Variants in IQGAP3 observed in about 807,000 individuals in gnomAD.
The protein encoded by IQGAP3 is ras GTPase-activating-like protein IQGAP3.
A neutral mutation model predicts 208.2 loss-of-function variants in IQGAP3; 165 were observed. The ratio of observed to expected loss-of-function variants is 0.79; its 90% CI spans 0.70 to 0.90. The LOEUF is 0.90. Among genes scored for constraint, IQGAP3 ranks in the 40% least tolerant of loss-of-function variants. The pLI, the probability that IQGAP3 is intolerant of heterozygous loss-of-function variation, is 0.00. For synonymous variants in IQGAP3, 703 were observed against 803.6 expected, an observed-to-expected ratio of 0.87 and a Z score of 2.12; for missense variants, 1,811 against 2,043.1, an observed-to-expected ratio of 0.89 and a Z score of 2.19.
At chr1:156,566,208 G>A in intron 3 of IQGAP3, 104 bp from the exon 4 acceptor site, 1 of 1,243,138 alleles carries the variant, frequency 8.0e-7, no homozygotes, top group Non-Finnish European at 1.2e-6. Context: ...GGGCAGAGGG[G>A]AACCAGAGGA....
rs763282771 is a variant in IQGAP3 at position 156,552,006 on chromosome 1, T to C, written c.1538A>G (p.Gln513Arg). The change falls in exon 14 of 38, where the codon CAG becomes CGG. Residue 513 changes from glutamine (Q) to arginine (R), a missense_variant. Coordinates refer to ENST00000361170, the MANE Select transcript of IQGAP3 (RefSeq NM_178229.5). ...SWNDLQATVS[Q>R]VNAQTQEETD... ...CTCTTCCTGGGTCTGTGCATTGACC[T>C]GGCTCACGGTGGCCTGCAGGTCATT... The C allele has an allele frequency of 1.9e-6, 3 of 1,614,016 alleles. No homozygotes were observed. Among genetic ancestry groups the C allele is most frequent in the Non-Finnish European group, 2.5e-6 (3 of 1,180,012 alleles).
At chr1:156,537,135 C>T in intron 27 of IQGAP3, 46 bp downstream of exon 27, 1 of 1,588,998 alleles carries the variant, frequency 6.3e-7, no homozygotes. Flanking sequence ...TGGCCTGGCC[C>T]TCTTGAAATC....
intron 22 of IQGAP3, among the ~76,000 whole-genome samples, chr1:156,541,536 T>A (rs547125756): frequency 6.6e-6 from 1 of 152,148 alleles, no homozygotes; most frequent in African/African-American, 2.4e-5. Context: ...ACAAAACAAC[T>A]AATACATAGA....
chr1:156,555,921 T>G (rs2102419441), intron 12 of IQGAP3, among the ~76,000 whole-genome samples: 1 of 152,362 alleles, frequency 6.6e-6, no homozygotes. Flanking sequence ...TGTATCCAAG[T>G]CATGCTGGGA....
rs2102379854 is a variant in IQGAP3, at chr1:156,539,373, C to T, written c.3056+1G>A. The T allele has an allele frequency of 6.2e-6, 10 of 1,613,568 alleles. No individual in the cohort carries two copies. The highest frequency in any genetic ancestry group is 8.5e-6 in the Non-Finnish European group (10 of 1,179,864). On this transcript the variant is annotated splice_donor_variant, in intron 25 of 37. Coordinates refer to ENST00000361170, the MANE Select transcript of IQGAP3 (RefSeq NM_178229.5). LOFTEE classifies it high-confidence loss of function. ...CATTCCTTTGTGTCTGGAGAGCCTA[C>T]TTGATTTCCTCCTGGAGTGCTGTCT...
intron 22 of IQGAP3, among the ~76,000 whole-genome samples, chr1:156,542,789 AAGTT>A (rs1021502027): frequency 6.6e-6 from 1 of 151,922 alleles, no homozygotes; most frequent in Non-Finnish European, 1.5e-5. Context: ...AAAAATCAAA[AAGTT>A]AGCCAGTTGT....
chr1:156,536,589 T>C (rs975263081), intron 27 of IQGAP3, among the ~76,000 whole-genome samples: 1 of 152,184 alleles, frequency 6.6e-6, no homozygotes, highest in African/African-American at 2.4e-5. Flanking sequence ...TAGTTGATAA[T>C]AATGTGTTGT....
At chr1:156,541,335 G>C (rs1674965387) in intron 22 of IQGAP3, among the ~76,000 whole-genome samples, 1 of 151,860 alleles carries the variant, frequency 6.6e-6, no homozygotes, top group Admixed American at 6.6e-5. Flanking sequence ...ACTCAGCCCT[G>C]CTTGCTCCCA....
At chr1:156,547,971 G>A in intron 19 of IQGAP3, 102 bp downstream of exon 19, 1 of 1,074,790 alleles carries the variant, frequency 9.3e-7, no homozygotes, top group East Asian at 2.6e-5. Context: ...CTATTCAGAG[G>A]CCGAAAGGTC....
chr1:156,563,181 T>C lies in IQGAP3; in HGVS notation c.751A>G (p.Met251Val). The change falls in exon 8 of 38, where the codon ATG becomes GTG. Residue 251 changes from methionine to valine, a missense_variant. Met to Val is a conservative substitution (Grantham distance 21, BLOSUM62 1). Transcript: ENST00000361170. ...TTCTCCATCTTGGCCTGGGCCAGCA[T>C]CTCTTGGTAGACGGCTGCCAGAGGC... ...REPLAAVYQE[M>V]LAQAKMEKAA... 1 of 1,612,148 alleles carries C rather than the reference T, an allele frequency of 6.2e-7. No individual in the cohort carries two copies. The highest frequency in any genetic ancestry group is 8.5e-7 in the Non-Finnish European group (1 of 1,178,448).
chr1:156,552,583 T>C (rs913577550), intron 13 of IQGAP3, among the ~76,000 whole-genome samples: 3 of 152,236 alleles, frequency 2.0e-5, no homozygotes, highest in Admixed American at 6.5e-5. Flanking sequence ...ATATCTATTA[T>C]ATGACCAAAT....
In IQGAP3 at chr1:156,530,234, C is replaced by T; in HGVS notation, c.4275G>A (p.Leu1425=). 6.2e-7 allele frequency: 1 copy of T among 1,613,080 alleles called. No homozygotes were observed. The highest frequency in any genetic ancestry group is 1.3e-5 in the African/African-American group (1 of 75,046). The change falls in exon 34 of 38, where the codon CTG becomes CTA. Residue 1425 remains leucine, a synonymous_variant. Transcript: ENST00000361170. ...TPEPLRRHRS[L]TAHSLLPLAE... The stretch of plus-strand genomic sequence containing the variant: ...CCAGTGGCAGGAGGGAGTGAGCTGT[C>T]AGTGAGCGGTGTCGTCGCAGTGGCT...
intron 22 of IQGAP3, among the ~76,000 whole-genome samples, chr1:156,541,635 C>T (rs982611916): frequency 3.3e-5 from 5 of 152,142 alleles, no homozygotes; most frequent in Non-Finnish European, 7.4e-5. Flanking sequence ...TCCTCTCTTA[C>T]CGATAATAAC....
intron 5 of IQGAP3, 82 bp from the exon 6 acceptor site, chr1:156,563,906 C>T (rs916370346): frequency 1.3e-5 from 15 of 1,113,014 alleles, no homozygotes; most frequent in Non-Finnish European, 2.6e-6. Flanking sequence ...GAAGGGGATA[C>T]TATGGGGACC....
chr1:156,544,481 CA>C lies in IQGAP3; in HGVS notation c.2305-10del. On this transcript the variant is annotated splice_polypyrimidine_tract_variant and intron_variant, in intron 19 of 37. Coordinates refer to ENST00000361170, the MANE Select transcript of IQGAP3 (RefSeq NM_178229.5). ...TAACCCCGCCAATGAGCCTGCACAT[CA>C]GGAGAGAAAGGGAAGTAACTCAAGC... 1 of 1,612,320 alleles carries C rather than the reference CA, an allele frequency of 6.2e-7. No individual in the cohort carries two copies. Among genetic ancestry groups the C allele is most frequent in the Non-Finnish European group, 8.5e-7 (1 of 1,178,364 alleles).
Position 156,548,393 on chromosome 1 carries a change from A to G in IQGAP3, c.2088T>C (p.Pro696=), listed in dbSNP as rs762079371. The stretch of plus-strand genomic sequence containing the variant: ...GGTGAGAGGTGTTGAGGGGGCAGCC[A>G]GGAGGTTGCTCCCAGATCCCCTGGA... The part of the protein sequence containing the change: ...QTFQGIWEQP[P]GCPLNTSHLT... Residue 696 remains proline (P), a synonymous_variant, in exon 18 of 38, where the codon CCT becomes CCC. Coordinates refer to ENST00000361170, the MANE Select transcript of IQGAP3 (RefSeq NM_178229.5). 1 of 1,613,946 alleles carries G rather than the reference A, an allele frequency of 6.2e-7. No individual in the cohort carries two copies. Among genetic ancestry groups the G allele is most frequent in the Non-Finnish European group, 8.5e-7 (1 of 1,179,956 alleles).
At chr1:156,560,232 C>T (rs1364270737) in intron 11 of IQGAP3, among the ~76,000 whole-genome samples, 2 of 151,978 alleles carry the variant, frequency 1.3e-5, no homozygotes, top group Non-Finnish European at 2.9e-5. Context: ...TATTTGTGGC[C>T]GGTCACAGTG....
intron 37 of IQGAP3, among the ~76,000 whole-genome samples, chr1:156,527,042 A>T (rs1398566997): frequency 2.0e-5 from 3 of 151,308 alleles, no homozygotes; most frequent in Admixed American, 1.3e-4. Flanking sequence ...TATATTGGCC[A>T]GGCTGGTCTT....
Position 156,526,437 on chromosome 1 carries a change from A to T in IQGAP3, c.*49T>A. ...GCACAGTGGTGAGTTAGTGTTAAAG[A>T]AAGCATCCAGAGAGGTAAGAGGGGC... On this transcript the variant is annotated 3_prime_UTR_variant, in exon 38 of 38. Transcript: ENST00000361170. 1 of 1,199,900 alleles carries T rather than the reference A, an allele frequency of 8.3e-7. No homozygotes were observed. Among genetic ancestry groups the T allele is most frequent in the Non-Finnish European group, 1.2e-6 (1 of 803,426 alleles). The allele number at this position is 1,199,900 out of a possible 1,614,324, so 74.3% of individuals were successfully genotyped here.
Sources: allele counts gnomAD v4.1 joint callset (sites outside exome capture counted in the v4.1 genomes callset), GRCh38; gene constraint gnomAD v4.1.1; transcripts MANE v1.5; gene names NCBI Gene and HGNC (gene_info 2026-07-23, HGNC 2026-07-21).